The following MEMO1 variants were observed in gnomAD, a reference collection of about 807,000 sequenced individuals.
The protein encoded by MEMO1 is mediator of cell motility 1, also known as protein MEMO1.
Under a neutral mutation model 45.2 loss-of-function variants are expected in MEMO1, and 6 were observed. The ratio of observed to expected loss-of-function variants is 0.13; its 90% CI spans 0.07 to 0.26. MEMO1 has a LOEUF of 0.26. MEMO1 is among the 10% of genes least tolerant of loss of function. MEMO1 has a pLI of 1.00. For missense variants in MEMO1, 184 were observed against 370.5 expected, an observed-to-expected ratio of 0.50 and a Z score of 4.13; for synonymous variants, 78 against 124.3, an observed-to-expected ratio of 0.63 and a Z score of 2.48.
At chr2:31,955,484 T>G (rs1458047226) in intron 2 of MEMO1, among the ~76,000 whole-genome samples, 1 of 152,164 alleles carries the variant, frequency 6.6e-6, no homozygotes, top group Non-Finnish European at 1.5e-5. Flanking sequence ...GGGAAGAAAA[T>G]AAAACTCAGA....
intron 2 of MEMO1, among the ~76,000 whole-genome samples, chr2:31,958,056 T>C (rs1448124162): frequency 6.6e-6 from 1 of 152,110 alleles, no homozygotes. Context: ...GACTGAGTGA[T>C]GGGAAATGGG....
At chr2:31,907,356 A>G (rs1352678499) in intron 6 of MEMO1, among the ~76,000 whole-genome samples, 1 of 152,164 alleles carries the variant, frequency 6.6e-6, no homozygotes, top group African/African-American at 2.4e-5. Flanking sequence ...GTGTTTCCTT[A>G]TTTTTGTATT....
chr2:31,899,726 C>T (rs1355679471), intron 6 of MEMO1, among the ~76,000 whole-genome samples: 3 of 152,146 alleles, frequency 2.0e-5, no homozygotes, highest in Non-Finnish European at 4.4e-5. Context: ...GCAAAAGAAA[C>T]TACCATCAGA....
intron 6 of MEMO1, among the ~76,000 whole-genome samples, chr2:31,907,822 T>TACAC (rs1558494142): frequency 5.4e-5 from 6 of 110,966 alleles, no homozygotes; most frequent in Non-Finnish European, 8.0e-5. Flanking sequence ...CACACACACA[T>TACAC]ACACACAACT....
At chr2:31,908,754 A>C (rs1680134702) in intron 6 of MEMO1, among the ~76,000 whole-genome samples, 1 of 152,230 alleles carries the variant, frequency 6.6e-6, no homozygotes, top group Non-Finnish European at 1.5e-5. Context: ...CTCTTTACAA[A>C]AATGCCTAAC....
chr2:31,974,315 C>A (rs1669750960), intron 2 of MEMO1, among the ~76,000 whole-genome samples: 1 of 152,170 alleles, frequency 6.6e-6, no homozygotes, highest in African/African-American at 2.4e-5. Context: ...GTTGGAAAAT[C>A]ACATTTTCAG....
At chr2:32,000,476 C>T (rs1434637307) in intron 2 of MEMO1, among the ~76,000 whole-genome samples, 28 of 152,166 alleles carry the variant, frequency 1.8e-4, no homozygotes, top group African/African-American at 5.8e-4. Context: ...GTGATCCGCC[C>T]GCCTCGGCCT....
intron 2 of MEMO1, among the ~76,000 whole-genome samples, chr2:31,964,637 G>A (rs1231247157): frequency 6.6e-6 from 1 of 152,084 alleles, no homozygotes; most frequent in Non-Finnish European, 1.5e-5. Flanking sequence ...GGAGGCGGAG[G>A]TTGCGGTGAG....
intron 9 of MEMO1, 127 bp downstream of exon 9, chr2:31,869,721 T>C: frequency 1.0e-6 from 1 of 953,586 alleles, no homozygotes; most frequent in Non-Finnish European, 1.5e-6. Context: ...CAAATTATAT[T>C]AAAGATACTA....
intron 8 of MEMO1, among the ~76,000 whole-genome samples, chr2:31,880,152 T>C (rs1180206228): frequency 2.6e-5 from 4 of 152,194 alleles, no homozygotes; most frequent in African/African-American, 7.2e-5. Context: ...GTACCGGACA[T>C]ATAGCAGATA....
At chr2:31,927,117 TCAA>T (rs1683230630) in intron 4 of MEMO1, among the ~76,000 whole-genome samples, 1 of 151,982 alleles carries the variant, frequency 6.6e-6, no homozygotes, top group Non-Finnish European at 1.5e-5. Context: ...GATCACAAGG[TCAA>T]GAGATTGAGA....
In MEMO1 at chr2:32,000,233, A is replaced by AT. The variant is rs753896973; in HGVS notation, c.61+9953dup. ...CTCAGTGAAGTCTTCCTTTTTACTTATTTTTTTTTTTTTGAGACGGAGTTT... is the reference window on the plus strand; with the variant it reads ...CTCAGTGAAGTCTTCCTTTTTACTTATTTTTTTTTTTTTTGAGACGGAGTTT... On this transcript the variant is annotated intron_variant, in intron 2 of 9. Coordinates refer to ENST00000404530, the MANE Select transcript of MEMO1 (RefSeq NM_001301833.4). Among the ~76,000 whole-genome samples the AT allele has an allele frequency of 2.2e-3, 309 of 139,342 alleles. 1 individual carries two copies. Among genetic ancestry groups the AT allele is most frequent in the Non-Finnish European group, 2.8e-3 (181 of 63,574 alleles). 91.4% of individuals were successfully genotyped at this position (139,342 alleles called of 152,430 possible). A position where few individuals can be genotyped will look rare whatever the true frequency, so the allele number is the denominator to read the frequency against.
chr2:31,945,868 G>A (rs1666135252), intron 2 of MEMO1, among the ~76,000 whole-genome samples: 1 of 152,214 alleles, frequency 6.6e-6, no homozygotes, highest in Admixed American at 6.5e-5. Flanking sequence ...GACAAACTAT[G>A]TGTGACAAAT....
intron 8 of MEMO1, among the ~76,000 whole-genome samples, chr2:31,880,351 T>G (rs928995215): frequency 6.6e-6 from 1 of 152,096 alleles, no homozygotes; most frequent in African/African-American, 2.4e-5. Flanking sequence ...CAAATAAAAT[T>G]CTAAAGGTAA....
intron 3 of MEMO1, among the ~76,000 whole-genome samples, chr2:31,933,353 ATATATAT>A (rs1558514411): frequency 1.8e-4 from 3 of 16,492 alleles, no homozygotes; most frequent in African/African-American, 5.0e-4. Context: ...AAAAAAATTT[ATATATAT>A]ATATATATAT....
Position 31,876,418 on chromosome 2 carries a change from T to C in MEMO1, c.658-6466A>G, listed in dbSNP as rs556839685. 8.5e-5 allele frequency among the ~76,000 whole-genome samples: 13 copies of C among 152,374 alleles called. 1 individual carries two copies. In the South Asian group the frequency reaches 2.7e-3, roughly 32 times the overall value. ...ACCATCATTTACCTTTTTAGGTATTTTCTGCACACATTCCTACTTGAAACT... is the reference window on the plus strand; with the variant it reads ...ACCATCATTTACCTTTTTAGGTATTCTCTGCACACATTCCTACTTGAAACT... On this transcript the variant is annotated intron_variant, in intron 8 of 9. Transcript: ENST00000404530.
chr2:31,988,168 G>T (rs945379883), intron 2 of MEMO1, among the ~76,000 whole-genome samples: 2 of 152,034 alleles, frequency 1.3e-5, no homozygotes, highest in Non-Finnish European at 2.9e-5. Flanking sequence ...CTTTCAGAAG[G>T]TCCTCCAGAC....
Position 31,868,365 on chromosome 2 carries a change from T to G in MEMO1, c.890A>C (p.His297Pro), listed in dbSNP as rs755297303. 2 of 1,543,790 alleles carry G rather than the reference T, an allele frequency of 1.3e-6. No homozygotes were observed. The highest frequency in any genetic ancestry group is 8.7e-7 in the Non-Finnish European group (1 of 1,147,940). ...CATCCCTGAGGATTCAGAGCTTCAG[T>G]GGACCGTGAGTGCTCCAGCTGCATA... ...VSYAAGALTV[H>P] Residue 297 changes from histidine (H) to proline (P), a missense_variant, in exon 10 of 10, where the codon CAC (histidine) becomes CCC (proline). Around this residue, in one of 3 missense-constraint regions of MEMO1, gnomAD observed 97 missense variants for 209.3 expected, o/e 0.46. Coordinates refer to ENST00000404530, the MANE Select transcript of MEMO1 (RefSeq NM_001301833.4).
intron 6 of MEMO1, among the ~76,000 whole-genome samples, chr2:31,896,486 C>T (rs564595514): frequency 6.6e-6 from 1 of 152,206 alleles, no homozygotes; most frequent in Non-Finnish European, 1.5e-5. Context: ...AAAAGTATGG[C>T]TATGTTTAAA....
Sources: allele counts gnomAD v4.1 joint callset (sites outside exome capture counted in the v4.1 genomes callset), GRCh38; gene constraint gnomAD v4.1.1; regional missense constraint gnomAD v4.1.1; transcripts MANE v1.5; gene names NCBI Gene and HGNC (gene_info 2026-07-23, HGNC 2026-07-21).